CEP295: variants seen among roughly 807,000 people sequenced by gnomAD.
CEP295 encodes the protein centrosomal protein of 295 kDa.
CEP295 carries 190 observed loss-of-function variants against 291.6 expected under a neutral mutation model. The ratio of observed to expected loss-of-function variants is 0.65; its 90% CI spans 0.58 to 0.73. The LOEUF (loss-of-function observed/expected upper bound fraction) is 0.73, where lower values mean the gene tolerates loss of function less well. Ranked by LOEUF, CEP295 falls within the 30% of genes least tolerant of loss-of-function variation. The pLI is 0.00. For synonymous variants in CEP295, 993 were observed against 1,038.8 expected (o/e 0.96, Z 0.85); for missense variants, 2,863 against 2,949.4 (o/e 0.97, Z 0.68).
chr11:93,719,310 C>A (rs958232524), intron 18 of CEP295, among the ~76,000 whole-genome samples: 2 of 150,320 alleles, frequency 1.3e-5, no homozygotes, highest in Admixed American at 1.3e-4. Flanking sequence ...CACTGTTGCC[C>A]AGGCTAGAGT....
intron 5 of CEP295, 54 bp from the exon 6 acceptor site, chr11:93,675,517 G>A: frequency 2.1e-6 from 2 of 955,302 alleles, no homozygotes; most frequent in Non-Finnish European, 3.0e-6. Context: ...ATTGGATTCA[G>A]CTTTAAGTGA....
rs1207664030 is a variant in CEP295 at position 93,727,341 on chromosome 11, G to T, written c.6865G>T (p.Val2289Phe). The change falls in exon 24 of 30, where the codon GTT becomes TTT. Residue 2289 changes from valine to phenylalanine, a missense_variant. By Grantham distance (50) the Val-to-Phe change is conservative (BLOSUM62 -1). Transcript: ENST00000325212. ...MGFEELSKRGVVTMLQSQGLI... is the reference protein window; with the variant it reads ...MGFEELSKRGFVTMLQSQGLI... ...CTTTGAAGAACTATCAAAAAGAGGG[G>T]TTGTTACAATGTTACAAAGTCAAGG... The T allele has an allele frequency of 6.4e-7, 1 of 1,551,470 alleles. No individual in the cohort carries two copies.
At position 93,727,374 on chromosome 11, in the gene CEP295, G is replaced by T. The variant is rs1298601142; in HGVS notation, c.6898G>T (p.Glu2300Ter). Residue 2300 changes from glutamate (E) to a stop codon, truncating the protein, a stop_gained, in exon 24 of 30, where the codon GAA becomes TAA. Transcript: ENST00000325212. LOFTEE classifies it high-confidence loss of function. ...VTMLQSQGLIEDNKNETCRVL... is the reference protein window; with the variant it reads ...VTMLQSQGLI ...AATGTTACAAAGTCAAGGACTCATTGAAGATAATAAAAATGAAACCTGTAG... is the reference window on the plus strand; with the variant it reads ...AATGTTACAAAGTCAAGGACTCATTTAAGATAATAAAAATGAAACCTGTAG... 1.3e-6 allele frequency: 2 copies of T among 1,551,374 alleles called. No homozygotes were observed. Among genetic ancestry groups the T allele is most frequent in the Non-Finnish European group, 1.7e-6 (2 of 1,146,940 alleles).
chr11:93,681,065 A>G (rs892155675), intron 7 of CEP295, among the ~76,000 whole-genome samples: 1 of 152,192 alleles, frequency 6.6e-6, no homozygotes, highest in Non-Finnish European at 1.5e-5. Context: ...AGTAAAACAG[A>G]CACAAAAAGC....
At chr11:93,705,373 A>G (rs1389101494) in intron 17 of CEP295, among the ~76,000 whole-genome samples, 2 of 152,214 alleles carry the variant, frequency 1.3e-5, no homozygotes, top group African/African-American at 4.8e-5. Flanking sequence ...TAAAAAGGAA[A>G]AGTCTAAAAA....
Position 93,698,792 on chromosome 11 carries a change from C to T in CEP295, c.3880C>T (p.Gln1294Ter). The T allele has an allele frequency of 6.4e-7, 1 of 1,551,724 alleles. No homozygotes were observed. The highest frequency in any genetic ancestry group is 8.7e-7 in the Non-Finnish European group (1 of 1,146,990). The change falls in exon 15 of 30, where the codon CAG (glutamine) becomes TAG (stop). Residue 1294 changes from glutamine (Q) to a stop codon, truncating the protein, a stop_gained. Coordinates refer to ENST00000325212, the MANE Select transcript of CEP295 (RefSeq NM_033395.2). LOFTEE classifies it high-confidence loss of function. ...EQTGSSSFIP[Q>*]LVQLSFTSLA... The stretch of plus-strand genomic sequence containing the variant: ...AACTGGTTCATCTTCATTCATACCC[C>T]AGTTGGTACAGCTTTCATTTACTTC...
chr11:93,700,839 A>G (rs1261089999), intron 15 of CEP295, among the ~76,000 whole-genome samples: 1 of 152,220 alleles, frequency 6.6e-6, no homozygotes, highest in Non-Finnish European at 1.5e-5. Context: ...AGCAACAGAC[A>G]TTGTGCTCTT....
chr11:93,729,011 C>T (rs150844620), intron 25 of CEP295, 190 bp downstream of exon 25: 2 of 547,782 alleles, frequency 3.7e-6, no homozygotes, highest in African/African-American at 1.9e-5. Context: ...TTCTTTTAAT[C>T]CCCACTCCAA....
intron 5 of CEP295, among the ~76,000 whole-genome samples, chr11:93,671,116 CAG>C (rs1950425896): frequency 6.6e-6 from 1 of 152,146 alleles, no homozygotes; most frequent in African/African-American, 2.4e-5. Context: ...CTCCTGACCT[CAG>C]ATGATCCACC....
chr11:93,728,558 C>G, intron 24 of CEP295, 123 bp from the exon 25 acceptor site: 1 of 717,288 alleles, frequency 1.4e-6, no homozygotes, highest in Middle Eastern at 4.0e-4. Flanking sequence ...CCAATCATTG[C>G]TTTTCTTCCT....
intron 22 of CEP295, among the ~76,000 whole-genome samples, chr11:93,725,090 A>T (rs1019559181): frequency 6.6e-6 from 1 of 151,776 alleles, no homozygotes; most frequent in Non-Finnish European, 1.5e-5. Context: ...TCCCATCTCT[A>T]CTAAAAAACA....
At position 93,697,101 on chromosome 11, in the gene CEP295, C is replaced by G. The variant is rs1391421842; in HGVS notation, c.2189C>G (p.Ser730Cys). ...GACTATAAATTGGTCCCCAAAGATT[C>G]TGAGACACTTTCAAGGGCTTTGTCA... ...QRDYKLVPKD[S>C]ETLSRALSHD... Residue 730 changes from serine to cysteine, a missense_variant, in exon 15 of 30, where the codon TCT becomes TGT. Physicochemically the swap from Ser to Cys is moderately radical, Grantham distance 112. Around this residue, in one of 3 missense-constraint regions of CEP295, gnomAD observed 2,295 missense variants for 2,335.7 expected, o/e 0.98. Coordinates refer to ENST00000325212, the MANE Select transcript of CEP295 (RefSeq NM_033395.2). The G allele has an allele frequency of 3.9e-6, 6 of 1,551,544 alleles. No homozygotes were observed. The African/African-American group carries it at 6.8e-5, about 18-fold the overall frequency.
intron 5 of CEP295, among the ~76,000 whole-genome samples, chr11:93,673,583 T>C (rs539446144): frequency 6.6e-6 from 1 of 151,978 alleles, no homozygotes; most frequent in African/African-American, 2.4e-5. Flanking sequence ...AACCTCTGCC[T>C]CCTGGGTTCA....
intron 9 of CEP295, among the ~76,000 whole-genome samples, chr11:93,687,250 T>G (rs1431039926): frequency 1.3e-5 from 2 of 152,162 alleles, no homozygotes; most frequent in Non-Finnish European, 2.9e-5. Context: ...TTGGGACCAT[T>G]CTCTAGTGTA....
rs1018849790 is a variant in CEP295, at chr11:93,698,405, A to G, written c.3493A>G (p.Ile1165Val). The change falls in exon 15 of 30, where the codon ATA becomes GTA. Residue 1165 changes from isoleucine (I) to valine (V), a missense_variant. This residue lies in a region of CEP295 where 2,295 missense variants were observed against 2,335.7 expected (regional missense o/e 0.98). Coordinates refer to ENST00000325212, the MANE Select transcript of CEP295 (RefSeq NM_033395.2). The part of the protein sequence containing the change: ...HSLAQQENLT[I>V]LQEQSQIQRV... ...CCTGGCACAGCAAGAAAATTTGACA[A>G]TACTCCAAGAACAGTCACAAATACA... is the stretch of plus-strand genomic sequence containing the variant. 163 of 1,552,042 alleles carry G rather than the reference A, an allele frequency of 1.1e-4. No individual in the cohort carries two copies. The highest frequency in any genetic ancestry group is 1.3e-4 in the Non-Finnish European group (153 of 1,147,090).
chr11:93,673,336 G>T (rs1347222060), intron 5 of CEP295, among the ~76,000 whole-genome samples: 2 of 152,010 alleles, frequency 1.3e-5, no homozygotes, highest in African/African-American at 2.4e-5. Flanking sequence ...TTTCATTAGT[G>T]GTCAGTTTAA....
intron 7 of CEP295, among the ~76,000 whole-genome samples, chr11:93,681,807 A>G (rs1410521934): frequency 6.6e-6 from 1 of 151,682 alleles, no homozygotes; most frequent in African/African-American, 2.4e-5. Flanking sequence ...TCGACCTCCC[A>G]AAGTGCTGGG....
chr11:93,728,655 GT>G, intron 24 of CEP295, 25 bp from the exon 25 acceptor site: 1 of 1,508,954 alleles, frequency 6.6e-7, no homozygotes, highest in Non-Finnish European at 8.8e-7. Context: ...TTTTGACATG[GT>G]TTTCCTTTTA....
chr11:93,665,333 T>G (rs1189420235), intron 1 of CEP295, among the ~76,000 whole-genome samples: 1 of 152,238 alleles, frequency 6.6e-6, no homozygotes, highest in Non-Finnish European at 1.5e-5. Context: ...ATTCCATTTC[T>G]TTTTGCCTCG....
Sources: gnomAD v4.1 joint callset for allele counts (sites outside exome capture counted in the v4.1 genomes callset) on GRCh38, gnomAD v4.1.1 for gene constraint, gnomAD v4.1.1 regional missense constraint, MANE v1.5 for transcripts, NCBI Gene and HGNC (gene_info 2026-07-23, HGNC 2026-07-21) for gene names.